The following PLIN3 variants were observed in gnomAD, a reference collection of about 807,000 sequenced individuals.
PLIN3 encodes the protein perilipin 3.
In PLIN3, 30 loss-of-function variants were observed where a neutral mutation model predicts 35.9. The observed-to-expected ratio is 0.84, with a 90% CI of 0.62 to 1.13. The LOEUF (loss-of-function observed/expected upper bound fraction) is 1.13, where lower values mean the gene tolerates loss of function less well. PLIN3 is among the 50% of genes most tolerant of loss of function. The pLI, the probability that PLIN3 is intolerant of heterozygous loss-of-function variation, is 0.00. For missense variants in PLIN3, 603 were observed against 596.9 expected (o/e 1.01, Z -0.11); for synonymous variants, 261 against 262.5 (o/e 0.99, Z 0.06).
At chr19:4,861,248 G>T in intron 2 of PLIN3, 81 bp downstream of exon 2, 1 of 1,276,400 alleles carries the variant, frequency 7.8e-7, no homozygotes, top group Non-Finnish European at 1.1e-6. Flanking sequence ...CTGGCTCCCT[G>T]CCAGGGCACC....
chr19:4,844,160 C>T (rs1599159113), intron 7 of PLIN3, among the ~76,000 whole-genome samples: 1 of 151,942 alleles, frequency 6.6e-6, no homozygotes. Flanking sequence ...CCGGAGAATA[C>T]TAGTCAGAAG....
chr19:4,866,382 C>T (rs1340633470), intron 1 of PLIN3, among the ~76,000 whole-genome samples: 9 of 152,246 alleles, frequency 5.9e-5, no homozygotes, highest in Admixed American at 5.2e-4. Context: ...GGCAGCATCC[C>T]CTAGGAGTCT....
chr19:4,859,899 C>T lies in PLIN3; in HGVS notation c.192G>A (p.Glu64=), dbSNP rs769584712. The T allele has an allele frequency of 6.2e-7, 1 of 1,613,952 alleles. No homozygotes were observed. Among genetic ancestry groups the T allele is most frequent in the Non-Finnish European group, 8.5e-7 (1 of 1,180,036 alleles). Residue 64 remains glutamate, a synonymous_variant, in exon 3 of 8, where the codon GAG becomes GAA. Coordinates refer to ENST00000221957, the MANE Select transcript of PLIN3 (RefSeq NM_005817.5). ...PHIKTVCDAA[E]KGVRTLTAAA... is the part of the protein sequence containing the mutation. The stretch of plus-strand genomic sequence containing the variant: ...CCGCCGTGAGGGTCCTCACTCCCTT[C>T]TCTGCTGCGTCGCAGACAGTCTTGA...
intron 4 of PLIN3, among the ~76,000 whole-genome samples, chr19:4,853,521 C>T (rs1180928307): frequency 1.3e-5 from 2 of 151,908 alleles, no homozygotes; most frequent in Non-Finnish European, 2.9e-5. Flanking sequence ...AGACGGGTTT[C>T]ACCATGTTGG....
At chr19:4,842,837 A>C (rs2029938726) in intron 7 of PLIN3, among the ~76,000 whole-genome samples, 1 of 152,116 alleles carries the variant, frequency 6.6e-6, no homozygotes, top group Non-Finnish European at 1.5e-5. Context: ...AACAATTTGC[A>C]TTTATAGAGA....
At chr19:4,863,909 G>A (rs1246783979) in intron 1 of PLIN3, among the ~76,000 whole-genome samples, 1 of 151,926 alleles carries the variant, frequency 6.6e-6, no homozygotes, top group Admixed American at 6.6e-5. Context: ...TCTAGTCAAG[G>A]GATAAAATGT....
At chr19:4,840,330 C>G (rs994250953) in intron 7 of PLIN3, among the ~76,000 whole-genome samples, 4 of 152,102 alleles carry the variant, frequency 2.6e-5, no homozygotes, top group Non-Finnish European at 5.9e-5. Context: ...GTGGCGTGAT[C>G]ATAGCTTACT....
At chr19:4,844,875 C>T (rs2030034668) in intron 6 of PLIN3, 82 bp from the exon 7 acceptor site, 6 of 1,418,968 alleles carry the variant, frequency 4.2e-6, no homozygotes, top group Middle Eastern at 1.8e-4. Flanking sequence ...GGAATCCTTC[C>T]AGCATCTGAC....
intron 6 of PLIN3, among the ~76,000 whole-genome samples, chr19:4,846,174 T>C (rs10405662): frequency 0.86 from 131,216 of 151,884 alleles, 56,706 homozygotes; most frequent in Admixed American, 0.91. Context: ...TGCAGTGAGC[T>C]GAGATCGCGC....
At chr19:4,842,934 T>C (rs945198774) in intron 7 of PLIN3, among the ~76,000 whole-genome samples, 5 of 152,126 alleles carry the variant, frequency 3.3e-5, no homozygotes, top group African/African-American at 1.2e-4. Flanking sequence ...AAAAAATCGA[T>C]CTGGGTCCGG....
rs1176518382 is a variant in PLIN3, at chr19:4,861,315, C to T, written c.66+14G>A. Reference sequence around the variant, plus strand: ...ACAGGGTCGGGGCAGTCCCTGGTCCCGGCCCTTCCTCACCTGCTGTACCGG... The same window carrying T: ...ACAGGGTCGGGGCAGTCCCTGGTCCTGGCCCTTCCTCACCTGCTGTACCGG... On this transcript the variant is annotated intron_variant, in intron 2 of 7. Transcript: ENST00000221957. 15 of 1,611,600 alleles carry T rather than the reference C, an allele frequency of 9.3e-6. No homozygotes were observed. The highest frequency in any genetic ancestry group is 4.0e-5 in the African/African-American group (3 of 74,892).
intron 4 of PLIN3, among the ~76,000 whole-genome samples, chr19:4,855,693 C>G (rs1043446865): frequency 3.4e-4 from 51 of 152,114 alleles, no homozygotes; most frequent in Admixed American, 2.4e-3. Context: ...CAGGCGTGAG[C>G]CACCGTGCCT....
intron 2 of PLIN3, 117 bp from the exon 3 acceptor site, chr19:4,860,141 AC>A: frequency 1.2e-6 from 1 of 820,440 alleles, no homozygotes; most frequent in Non-Finnish European, 2.0e-6. Context: ...GGCTCAGTTT[AC>A]CCACACTTTG....
rs1268602940 is a variant in PLIN3, at chr19:4,844,731, C to T, written c.897G>A (p.Gln299=). The T allele has an allele frequency of 4.4e-6, 7 of 1,605,878 alleles. No homozygotes were observed. Among genetic ancestry groups the T allele is most frequent in the Admixed American group, 1.7e-5 (1 of 58,606 alleles). The part of the protein sequence containing the change: ...KLVEGQEKLH[Q]MWLSWNQKQL... Reference sequence around the variant, plus strand: ...GCTTCTGGTTCCAGCTGAGCCACATCTGGTGCAGCTTCTCCTGGCCTTCCA... The same window carrying T: ...GCTTCTGGTTCCAGCTGAGCCACATTTGGTGCAGCTTCTCCTGGCCTTCCA... The change falls in exon 7 of 8, where the codon CAG becomes CAA. Residue 299 remains glutamine (Q), a synonymous_variant. Transcript: ENST00000221957.
At chr19:4,860,496 CT>C (rs776240847) in intron 2 of PLIN3, among the ~76,000 whole-genome samples, 10 of 151,950 alleles carry the variant, frequency 6.6e-5, no homozygotes, top group Non-Finnish European at 1.0e-4. Flanking sequence ...AGCCACCGCA[CT>C]CAGCCCACGT....
rs71170860 is a variant in PLIN3, at chr19:4,850,587, AT to A, written c.634+1428del. On this transcript the variant is annotated intron_variant, in intron 5 of 7. Coordinates refer to ENST00000221957, the MANE Select transcript of PLIN3 (RefSeq NM_005817.5). The stretch of plus-strand genomic sequence containing the variant: ...AGGCACCCGCCACCACGCCCGGCTA[AT>A]TTTTTTTTTTTTTTTTTTTTTTTTT... Among the ~76,000 whole-genome samples, 252 of 124,590 alleles carry A rather than the reference AT, an allele frequency of 2.0e-3. 1 individual carries two copies. Among genetic ancestry groups the A allele is most frequent in the South Asian group, 0.018 (72 of 3,982 alleles). The allele number at this position is 124,590 out of a possible 152,430, so 81.7% of individuals were successfully genotyped here.
intron 4 of PLIN3, among the ~76,000 whole-genome samples, chr19:4,857,212 A>G (rs1422451068): frequency 6.6e-6 from 1 of 152,094 alleles, no homozygotes; most frequent in Non-Finnish European, 1.5e-5. Context: ...CTGAGGCAGG[A>G]GGATTGCTTG....
intron 6 of PLIN3, among the ~76,000 whole-genome samples, chr19:4,845,977 C>T (rs955365768): frequency 2.0e-5 from 3 of 148,926 alleles, no homozygotes; most frequent in African/African-American, 7.4e-5. Context: ...GTAATTCCAG[C>T]ACTTTGGGAG....
chr19:4,848,537 C>T (rs2030182368), intron 5 of PLIN3, among the ~76,000 whole-genome samples: 1 of 152,334 alleles, frequency 6.6e-6, no homozygotes, highest in South Asian at 2.1e-4. Flanking sequence ...TTCCAGCCAG[C>T]AATACATCAC....
Sources: allele counts gnomAD v4.1 joint callset (sites outside exome capture counted in the v4.1 genomes callset), GRCh38; gene constraint gnomAD v4.1.1; transcripts MANE v1.5; gene names NCBI Gene and HGNC (gene_info 2026-07-23, HGNC 2026-07-21).